Variants in SNTG1 observed in about 807,000 individuals in gnomAD.
SNTG1 encodes the protein gamma-1-syntrophin.
In SNTG1, 39 loss-of-function variants were observed where a neutral mutation model predicts 74.7. That is an observed-to-expected ratio of 0.52 (90% CI 0.40 to 0.68). The LOEUF (loss-of-function observed/expected upper bound fraction) is 0.68, where lower values mean the gene tolerates loss of function less well. SNTG1 is among the 30% of genes least tolerant of loss of function. The pLI, the probability that SNTG1 is intolerant of heterozygous loss-of-function variation, is 0.00. For synonymous variants in SNTG1, 254 were observed against 217.1 expected (o/e 1.17, Z -1.49); for missense variants, 685 against 609.5 (o/e 1.12, Z -1.30).
intron 8 of SNTG1, among the ~76,000 whole-genome samples, chr8:50,469,494 C>A (rs561813635): frequency 6.6e-6 from 1 of 152,122 alleles, no homozygotes; most frequent in Non-Finnish European, 1.5e-5. Context: ...ATTATCTGGG[C>A]TTCAGCAACT....
intron 5 of SNTG1, among the ~76,000 whole-genome samples, chr8:50,446,182 C>A (rs1259957604): frequency 6.6e-6 from 1 of 152,168 alleles, no homozygotes; most frequent in East Asian, 1.9e-4. Context: ...CCTTACATTT[C>A]CCCATTTAGG....
chr8:49,929,666 T>G (rs1245893979), intron 1 of SNTG1, among the ~76,000 whole-genome samples: 1 of 152,200 alleles, frequency 6.6e-6, no homozygotes, highest in Admixed American at 6.5e-5. Flanking sequence ...GATCCCTGAA[T>G]CACGGATTTA....
At chr8:50,097,764 AAACTT>A (rs1211408193) in intron 1 of SNTG1, among the ~76,000 whole-genome samples, 2 of 152,192 alleles carry the variant, frequency 1.3e-5, no homozygotes, top group Non-Finnish European at 2.9e-5. Flanking sequence ...GAGAGTGAAA[AAACTT>A]AAGAGAACTT....
At chr8:50,562,083 G>A (rs963129727) in intron 12 of SNTG1, among the ~76,000 whole-genome samples, 2 of 152,182 alleles carry the variant, frequency 1.3e-5, no homozygotes, top group Non-Finnish European at 2.9e-5. Context: ...TGTGTAACTG[G>A]AAAGCAATTT....
chr8:50,658,782 G>A (rs1304400265), intron 15 of SNTG1, 119 bp downstream of exon 15: 10 of 644,764 alleles, frequency 1.6e-5, no homozygotes, highest in South Asian at 2.2e-5. Context: ...ACACGATAAA[G>A]ACAAATGAAA....
At chr8:50,654,831 G>A (rs561890469) in intron 13 of SNTG1, among the ~76,000 whole-genome samples, 2 of 152,276 alleles carry the variant, frequency 1.3e-5, no homozygotes, top group East Asian at 1.9e-4. Flanking sequence ...GCAAGGGCTT[G>A]ATGACTTCTG....
intron 13 of SNTG1, among the ~76,000 whole-genome samples, chr8:50,603,595 T>C (rs1414639133): frequency 1.3e-5 from 2 of 152,112 alleles, no homozygotes; most frequent in Non-Finnish European, 2.9e-5. Flanking sequence ...ATCTGGGCAT[T>C]GAAAATTTGG....
At chr8:50,410,255 G>A (rs146087559) in intron 4 of SNTG1, among the ~76,000 whole-genome samples, 1 of 152,130 alleles carries the variant, frequency 6.6e-6, no homozygotes, top group Non-Finnish European at 1.5e-5. Context: ...GGGAGGCATG[G>A]TGTGTGCAGG....
At chr8:50,057,200 C>G (rs1311443844) in intron 1 of SNTG1, among the ~76,000 whole-genome samples, 2 of 152,000 alleles carry the variant, frequency 1.3e-5, no homozygotes, top group African/African-American at 4.8e-5. Context: ...GTTCTCCTAG[C>G]CAGAGAAACA....
chr8:50,232,382 T>A (rs2085674441), intron 2 of SNTG1, among the ~76,000 whole-genome samples: 1 of 151,326 alleles, frequency 6.6e-6, no homozygotes, highest in Non-Finnish European at 1.5e-5. Context: ...AGCACACATT[T>A]ATGATTAATA....
At chr8:50,024,108 G>GA (rs1254905527) in intron 1 of SNTG1, among the ~76,000 whole-genome samples, 3 of 152,142 alleles carry the variant, frequency 2.0e-5, no homozygotes, top group Non-Finnish European at 4.4e-5. Context: ...TTGGTTGAGG[G>GA]ATCATACACA....
chr8:50,211,715 T>A (rs1383000099), intron 2 of SNTG1, among the ~76,000 whole-genome samples: 4 of 152,280 alleles, frequency 2.6e-5, no homozygotes, highest in Admixed American at 1.3e-4. Flanking sequence ...CAAACATTTT[T>A]AAAAAATGTT....
intron 13 of SNTG1, among the ~76,000 whole-genome samples, chr8:50,607,830 C>T (rs2094823694): frequency 6.6e-6 from 1 of 151,444 alleles, no homozygotes; most frequent in Non-Finnish European, 1.5e-5. Context: ...TTCAGCCTAA[C>T]ATATGTTTTA....
At chr8:50,669,809 C>T (rs1272927050) in intron 15 of SNTG1, among the ~76,000 whole-genome samples, 1 of 152,076 alleles carries the variant, frequency 6.6e-6, no homozygotes, top group Non-Finnish European at 1.5e-5. Flanking sequence ...ACTGGCAAAC[C>T]AAATCCAGCA....
chr8:50,049,165 C>T (rs1419676145), intron 1 of SNTG1, among the ~76,000 whole-genome samples: 1 of 151,998 alleles, frequency 6.6e-6, no homozygotes, highest in East Asian at 1.9e-4. Context: ...ATTAAGTCAA[C>T]TATGTCAATA....
chr8:50,167,812 CAAA>C (rs1312245688), intron 1 of SNTG1, among the ~76,000 whole-genome samples: 5 of 75,582 alleles, frequency 6.6e-5, no homozygotes, highest in Non-Finnish European at 8.7e-5. Context: ...GATTCTATCT[CAAA>C]AAAAAAAAAA....
At chr8:50,382,202 C>T (rs1417039159) in intron 2 of SNTG1, 1 of 151,978 alleles carries the variant, frequency 6.6e-6, no homozygotes, top group Non-Finnish European at 1.5e-5. Flanking sequence ...TACTTTGTAT[C>T]CCTCAATCCA....
intron 2 of SNTG1, among the ~76,000 whole-genome samples, chr8:50,267,979 T>A (rs1208285003): frequency 6.6e-6 from 1 of 152,194 alleles, no homozygotes; most frequent in Non-Finnish European, 1.5e-5. Context: ...AAACTATTCC[T>A]GTTTACCAAT....
At chr8:50,661,771 G>C (rs978577326) in intron 15 of SNTG1, among the ~76,000 whole-genome samples, 1 of 152,118 alleles carries the variant, frequency 6.6e-6, no homozygotes, top group Admixed American at 6.6e-5. Context: ...AGGTTAGTGA[G>C]GCCTGGCGAT....
Sources: allele counts gnomAD v4.1 joint callset (sites outside exome capture counted in the v4.1 genomes callset), GRCh38; gene constraint gnomAD v4.1.1; transcripts MANE v1.5; gene names NCBI Gene and HGNC (gene_info 2026-07-23, HGNC 2026-07-21).